Variants in PPP1R12A observed in about 807,000 individuals in gnomAD.
The protein encoded by PPP1R12A is myosin binding subunit.
A neutral mutation model predicts 139.6 loss-of-function variants in PPP1R12A; 19 were observed. The observed-to-expected ratio is 0.14, with a 90% CI of 0.09 to 0.20. The LOEUF (loss-of-function observed/expected upper bound fraction) is 0.20, where lower values mean the gene tolerates loss of function less well. Ranked by LOEUF, PPP1R12A falls within the 10% of genes least tolerant of loss-of-function variation. The probability of loss-of-function intolerance (pLI) is 1.00; values close to 1 mark genes in which losing one functional copy is unlikely to be tolerated. For synonymous variants in PPP1R12A, 427 were observed against 420.6 expected (o/e 1.02, Z -0.19); for missense variants, 925 against 1,211.5 (o/e 0.76, Z 3.51).
intron 13 of PPP1R12A, 123 bp downstream of exon 13, chr12:79,806,043 G>T: frequency 1.5e-6 from 2 of 1,311,574 alleles, no homozygotes; most frequent in Non-Finnish European, 1.0e-6. Flanking sequence ...ACCAATTTTT[G>T]TCTGCAAATA....
In PPP1R12A at chr12:79,797,282, T is replaced by C; in HGVS notation, c.2205A>G (p.Gln735=). 3 of 1,587,900 alleles carry C rather than the reference T, an allele frequency of 1.9e-6. No individual in the cohort carries two copies. The South Asian group carries it at 3.4e-5, about 18-fold the overall frequency. ...TCTTTTCTTCTTGTTTCTCTTTATCTTGTTTCTCTTTTTCCTCTTTTTCTT... is the reference window on the plus strand; with the variant it reads ...TCTTTTCTTCTTGTTTCTCTTTATCCTGTTTCTCTTTTTCCTCTTTTTCTT... ...EEKEKEEKEK[Q]DKEKQEEKKE... is the part of the protein sequence containing the mutation. The change falls in exon 16 of 25, where the codon CAA becomes CAG. Residue 735 remains glutamine (Q), a synonymous_variant. Coordinates refer to ENST00000450142, the MANE Select transcript of PPP1R12A (RefSeq NM_002480.3).
In PPP1R12A at chr12:79,867,339, G is replaced by A. The variant is rs1431459462; in HGVS notation, c.368+5469C>T. ...TGTGGGGGGTGGGGGGTCAGGGGAA[G>A]GATAACATTAGGAGAAATACCCAAT... On this transcript the variant is annotated intron_variant, in intron 2 of 24. Coordinates refer to ENST00000450142, the MANE Select transcript of PPP1R12A (RefSeq NM_002480.3). Among the ~76,000 whole-genome samples, 3 of 152,250 alleles carry A rather than the reference G, an allele frequency of 2.0e-5. No homozygotes were observed. The East Asian group carries it at 5.8e-4, about 29-fold the overall frequency.
chr12:79,869,617 CTG>C (rs1316644564), intron 2 of PPP1R12A, among the ~76,000 whole-genome samples: 1 of 152,094 alleles, frequency 6.6e-6, no homozygotes, highest in African/African-American at 2.4e-5. Flanking sequence ...GAAAGGCACA[CTG>C]ATGTAAACCA....
At chr12:79,870,463 C>T (rs17006076) in intron 2 of PPP1R12A, among the ~76,000 whole-genome samples, 2,891 of 152,264 alleles carry the variant, frequency 0.019, 95 homozygotes, top group African/African-American at 0.067. Flanking sequence ...GCTATCATCA[C>T]CTTAACAAAT....
At chr12:79,827,999 C>G (rs80321075) in intron 5 of PPP1R12A, 4,377 of 164,234 alleles carry the variant, frequency 0.027, 77 homozygotes, top group Non-Finnish European at 0.042. Context: ...AGGAATGCAA[C>G]GTTTTCTTAG....
chr12:79,918,944 C>T (rs1259653230), intron 1 of PPP1R12A, among the ~76,000 whole-genome samples: 6 of 151,956 alleles, frequency 3.9e-5, no homozygotes, highest in Admixed American at 2.0e-4. Context: ...GGCGAAACCC[C>T]GTCTCTACTA....
intron 2 of PPP1R12A, among the ~76,000 whole-genome samples, chr12:79,855,980 C>T (rs1278387902): frequency 6.6e-6 from 1 of 151,950 alleles, no homozygotes. Context: ...TCATTAGCAC[C>T]ACCTTTGATT....
At chr12:79,848,108 A>G (rs1276621140) in intron 2 of PPP1R12A, among the ~76,000 whole-genome samples, 2 of 152,168 alleles carry the variant, frequency 1.3e-5, no homozygotes, top group African/African-American at 4.8e-5. Context: ...TTGTAGTTTC[A>G]TGTTTTAAAT....
chr12:79,899,547 T>C (rs1197981769), intron 1 of PPP1R12A, among the ~76,000 whole-genome samples: 2 of 152,152 alleles, frequency 1.3e-5, no homozygotes, highest in Non-Finnish European at 2.9e-5. Flanking sequence ...ATTCATGTTG[T>C]TGTGGTTATC....
At position 79,934,676 on chromosome 12, in the gene PPP1R12A, G is replaced by C. The variant is rs1411319901; in HGVS notation, c.237+19C>G. 6.6e-7 allele frequency: 1 copy of C among 1,507,766 alleles called. No homozygotes were observed. The highest frequency in any genetic ancestry group is 1.2e-5 in the South Asian group (1 of 80,800). 93.4% of individuals were successfully genotyped at this position (1,507,766 alleles called of 1,614,324 possible). On this transcript the variant is annotated intron_variant, in intron 1 of 24. Transcript: ENST00000450142. ...GAGAACCCTCACGGTCAGGAGAGCC[G>C]GCGGCGGGGCGCACAGACCTGGTGC...
intron 18 of PPP1R12A, among the ~76,000 whole-genome samples, chr12:79,794,918 G>A (rs1478454009): frequency 6.6e-6 from 1 of 151,934 alleles, no homozygotes; most frequent in Admixed American, 6.6e-5. Context: ...AGTTAACTAC[G>A]GTGTTAGAAA....
chr12:79,864,508 A>G (rs1881737826), intron 2 of PPP1R12A, among the ~76,000 whole-genome samples: 1 of 152,188 alleles, frequency 6.6e-6, no homozygotes, highest in Non-Finnish European at 1.5e-5. Flanking sequence ...ACTGAAGAAG[A>G]CAGAGACAGA....
chr12:79,828,583 C>T, intron 4 of PPP1R12A, 119 bp from the exon 5 acceptor site: 1 of 807,140 alleles, frequency 1.2e-6, no homozygotes, highest in Non-Finnish European at 1.8e-6. Context: ...TCAGAATTTA[C>T]ATCCTTCCCC....
intron 1 of PPP1R12A, among the ~76,000 whole-genome samples, chr12:79,918,648 C>A (rs1313427283): frequency 6.6e-6 from 1 of 152,172 alleles, no homozygotes; most frequent in African/African-American, 2.4e-5. Context: ...TATTTTCCAA[C>A]CCTCCTGCCG....
intron 1 of PPP1R12A, among the ~76,000 whole-genome samples, chr12:79,883,728 G>A (rs1883855859): frequency 6.6e-6 from 1 of 152,166 alleles, no homozygotes; most frequent in Non-Finnish European, 1.5e-5. Flanking sequence ...AAATCATTCA[G>A]GGAAAGAGTG....
intron 2 of PPP1R12A, among the ~76,000 whole-genome samples, chr12:79,859,092 G>A (rs988413978): frequency 6.6e-6 from 1 of 152,094 alleles, no homozygotes; most frequent in African/African-American, 2.4e-5. Flanking sequence ...AAAAACAACA[G>A]TGGGAGGCCA....
intron 1 of PPP1R12A, among the ~76,000 whole-genome samples, chr12:79,910,353 G>C (rs375978293): frequency 6.6e-6 from 1 of 152,002 alleles, no homozygotes; most frequent in Non-Finnish European, 1.5e-5. Flanking sequence ...GGTGCTAGGC[G>C]CTTGTAATCC....
intron 19 of PPP1R12A, among the ~76,000 whole-genome samples, chr12:79,792,103 C>A (rs1008800858): frequency 7.9e-5 from 12 of 152,280 alleles, no homozygotes; most frequent in Admixed American, 2.0e-4. Flanking sequence ...CCTCATCCCT[C>A]CATTCTCTAG....
intron 2 of PPP1R12A, among the ~76,000 whole-genome samples, chr12:79,865,574 C>A (rs777074904): frequency 6.6e-6 from 1 of 152,114 alleles, no homozygotes; most frequent in African/African-American, 2.4e-5. Context: ...AAAACCCCAT[C>A]GTCTCAGCCC....
Sources: gnomAD v4.1 joint callset for allele counts (sites outside exome capture counted in the v4.1 genomes callset) on GRCh38, gnomAD v4.1.1 for gene constraint, MANE v1.5 for transcripts, NCBI Gene and HGNC (gene_info 2026-07-23, HGNC 2026-07-21) for gene names.